Variants in SUGCT observed in about 807,000 individuals in gnomAD.
SUGCT encodes succinyl-CoA:glutarate CoA-transferase.
A neutral mutation model predicts 55.0 loss-of-function variants in SUGCT; 41 were observed. That is an observed-to-expected ratio of 0.74 (90% CI 0.58 to 0.97). SUGCT has a LOEUF of 0.97. Ranked by LOEUF, SUGCT falls within the 50% of genes least tolerant of loss-of-function variation. SUGCT has a pLI of 0.00. For synonymous variants in SUGCT, 187 were observed against 200.4 expected (o/e 0.93, Z 0.56); for missense variants, 568 against 547.8 (o/e 1.04, Z -0.37).
At chr7:40,417,976 T>G (rs1397142567) in intron 9 of SUGCT, among the ~76,000 whole-genome samples, 1 of 152,194 alleles carries the variant, frequency 6.6e-6, no homozygotes, top group African/African-American at 2.4e-5. Context: ...ATACATGTGA[T>G]AAATATTATA....
chr7:40,135,110 C>T lies in SUGCT; in HGVS notation c.90C>T (p.Arg30=). 1 of 1,555,340 alleles carries T rather than the reference C, an allele frequency of 6.4e-7. No homozygotes were observed. Among genetic ancestry groups the T allele is most frequent in the Non-Finnish European group, 8.7e-7 (1 of 1,150,706 alleles). Residue 30 remains arginine (R), a synonymous_variant, in exon 1 of 14, where the codon CGC becomes CGT. Transcript: ENST00000335693. Reference sequence around the variant, plus strand: ...GCGGGAGGGGGCTGTGGACTGGCCGCCCGCAGTCAGGTACCCTCCGAGATT... The same window carrying T: ...GCGGGAGGGGGCTGTGGACTGGCCGTCCGCAGTCAGGTACCCTCCGAGATT... ...RGGGRGLWTG[R]PQSDMNNIKP... is the part of the protein sequence containing the mutation.
chr7:40,740,100 T>C (rs1318125443), intron 12 of SUGCT, among the ~76,000 whole-genome samples: 1 of 152,150 alleles, frequency 6.6e-6, no homozygotes, highest in African/African-American at 2.4e-5. Context: ...CATTTTATAA[T>C]TTCCAGCATA....
intron 13 of SUGCT, among the ~76,000 whole-genome samples, chr7:40,851,310 A>G (rs1431589518): frequency 2.1e-5 from 3 of 146,010 alleles, no homozygotes; most frequent in Non-Finnish European, 3.0e-5. Context: ...CATTAAATGC[A>G]TTTGTAAATG....
chr7:40,142,204 G>A (rs1334796564), intron 1 of SUGCT, among the ~76,000 whole-genome samples: 1 of 152,118 alleles, frequency 6.6e-6, no homozygotes, highest in Non-Finnish European at 1.5e-5. Flanking sequence ...GGTGGAGCAG[G>A]TAATTGGAAT....
chr7:40,795,288 C>T (rs1172624487), intron 13 of SUGCT, among the ~76,000 whole-genome samples: 1 of 152,132 alleles, frequency 6.6e-6, no homozygotes, highest in Non-Finnish European at 1.5e-5. Flanking sequence ...ACCCAGTTCT[C>T]CTCACACTCC....
the SUGCT span, among the ~76,000 whole-genome samples, chr7:40,952,682 G>A: frequency 3.7e-4 from 56 of 152,244 alleles, no homozygotes; most frequent in African/African-American, 1.1e-3. Flanking sequence ...TTGCTTGTCC[G>A]TAAAGGATTT....
chr7:40,309,730 G>A (rs981503955), intron 8 of SUGCT, among the ~76,000 whole-genome samples: 1 of 151,926 alleles, frequency 6.6e-6, no homozygotes, highest in Non-Finnish European at 1.5e-5. Flanking sequence ...AGGAAGATGA[G>A]CCCATAGCAT....
intron 6 of SUGCT, chr7:40,217,284 G>T: frequency 3.3e-6 from 1 of 306,720 alleles, no homozygotes; most frequent in South Asian, 2.4e-5. Flanking sequence ...ATCTAAGACT[G>T]GCTGCGACCT....
chr7:40,146,624 C>T (rs1303687279), intron 1 of SUGCT, among the ~76,000 whole-genome samples: 4 of 152,248 alleles, frequency 2.6e-5, no homozygotes, highest in African/African-American at 9.6e-5. Context: ...ACAGATCGCT[C>T]ATGCTATTGT....
the SUGCT span, among the ~76,000 whole-genome samples, chr7:41,030,054 A>C: frequency 6.6e-6 from 1 of 152,230 alleles, no homozygotes; most frequent in African/African-American, 2.4e-5. Context: ...TACAGTATGC[A>C]TTAAGGCTTC....
intron 8 of SUGCT, among the ~76,000 whole-genome samples, chr7:40,305,441 A>G (rs1200653684): frequency 6.6e-6 from 1 of 152,228 alleles, no homozygotes; most frequent in Non-Finnish European, 1.5e-5. Context: ...GAAACAAATC[A>G]GACAAATCCT....
At chr7:40,417,003 A>G (rs1787039207) in intron 9 of SUGCT, among the ~76,000 whole-genome samples, 1 of 152,014 alleles carries the variant, frequency 6.6e-6, no homozygotes, top group African/African-American at 2.4e-5. Context: ...CTAGAGAATT[A>G]TCCACTAATG....
chr7:40,707,560 T>C (rs1410852996), intron 12 of SUGCT, among the ~76,000 whole-genome samples: 1 of 152,202 alleles, frequency 6.6e-6, no homozygotes, highest in Non-Finnish European at 1.5e-5. Flanking sequence ...AGTGGTGAGA[T>C]AGTACCTTTG....
intron 12 of SUGCT, among the ~76,000 whole-genome samples, chr7:40,616,440 C>T (rs150439154): frequency 0.025 from 3,833 of 152,288 alleles, 155 homozygotes; most frequent in African/African-American, 0.089. Flanking sequence ...CCTCAGCCTC[C>T]CAAAGTGCTG....
Position 40,252,415 on chromosome 7 carries a change from G to A in SUGCT, c.576+14689G>A, listed in dbSNP as rs553150113. On this transcript the variant is annotated intron_variant, in intron 7 of 13. Transcript: ENST00000335693. ...ATTACAGGCATGCGCCACTGTGCCT[G>A]GCCCAAAAAACTCTGTTTTTTATTG... Among the ~76,000 whole-genome samples the A allele has an allele frequency of 2.6e-5, 4 of 152,096 alleles. No individual in the cohort carries two copies. In the South Asian group the frequency reaches 8.3e-4, roughly 32 times the overall value.
At chr7:40,797,512 C>A (rs945124896) in intron 13 of SUGCT, among the ~76,000 whole-genome samples, 5 of 152,152 alleles carry the variant, frequency 3.3e-5, no homozygotes, top group Admixed American at 6.6e-5. Context: ...TGCTCTTATT[C>A]CCCACATCCA....
At chr7:40,353,087 C>G (rs1399008346) in intron 9 of SUGCT, among the ~76,000 whole-genome samples, 2 of 152,156 alleles carry the variant, frequency 1.3e-5, no homozygotes, top group East Asian at 1.9e-4. Flanking sequence ...TGAAAAGTGT[C>G]TGTGTCCTTT....
At chr7:40,616,902 A>G (rs1027044955) in intron 12 of SUGCT, among the ~76,000 whole-genome samples, 4 of 152,180 alleles carry the variant, frequency 2.6e-5, no homozygotes, top group Admixed American at 1.3e-4. Context: ...GGAAAAGTCT[A>G]TATTTTCCCA....
chr7:40,435,915 C>CT (rs1788147161), intron 9 of SUGCT, among the ~76,000 whole-genome samples: 1 of 147,848 alleles, frequency 6.8e-6, no homozygotes, highest in African/African-American at 2.5e-5. Flanking sequence ...CATACTTTAT[C>CT]TTGCTGACTG....
Sources: allele counts gnomAD v4.1 joint callset (sites outside exome capture counted in the v4.1 genomes callset), GRCh38; gene constraint gnomAD v4.1.1; transcripts MANE v1.5; gene names NCBI Gene and HGNC (gene_info 2026-07-23, HGNC 2026-07-21).